Variants in NTN4 observed in about 807,000 individuals in gnomAD.
NTN4 encodes the protein netrin-4.
A neutral mutation model predicts 73.6 loss-of-function variants in NTN4; 32 were observed. The ratio of observed to expected loss-of-function variants is 0.44; its 90% CI spans 0.33 to 0.58. The LOEUF (loss-of-function observed/expected upper bound fraction) is 0.58. Among genes scored for constraint, NTN4 ranks in the 20% least tolerant of loss-of-function variants. The pLI, the probability that NTN4 is intolerant of heterozygous loss-of-function variation, is 0.04. For missense variants in NTN4, 654 were observed against 798.3 expected (o/e 0.82, Z 2.18); for synonymous variants, 258 against 287.5 (o/e 0.90, Z 1.04).
intron 8 of NTN4, among the ~76,000 whole-genome samples, chr12:95,667,216 G>C (rs2078187930): frequency 6.7e-6 from 1 of 149,552 alleles, no homozygotes; most frequent in Non-Finnish European, 1.5e-5. Flanking sequence ...TTGAGATGGA[G>C]TCTTGCTCTG....
chr12:95,669,468 C>G (rs1193622269), intron 8 of NTN4, among the ~76,000 whole-genome samples: 6 of 152,184 alleles, frequency 3.9e-5, no homozygotes, highest in Non-Finnish European at 5.9e-5. Flanking sequence ...ATCTCCCTCC[C>G]CCTACCATTT....
chr12:95,706,826 G>A (rs1382349621), intron 5 of NTN4, among the ~76,000 whole-genome samples: 1 of 152,136 alleles, frequency 6.6e-6, no homozygotes, highest in East Asian at 1.9e-4. Context: ...GGCGGGGCAT[G>A]CTTTATTGAG....
intron 5 of NTN4, among the ~76,000 whole-genome samples, chr12:95,689,532 A>C (rs2078386477): frequency 6.6e-6 from 1 of 152,162 alleles, no homozygotes; most frequent in Non-Finnish European, 1.5e-5. Context: ...GTCACCCCTA[A>C]GGGTTGCTGC....
intron 3 of NTN4, among the ~76,000 whole-genome samples, chr12:95,735,903 ATTTTT>A (rs2078772777): frequency 4.2e-5 from 6 of 141,460 alleles, no homozygotes; most frequent in African/African-American, 1.6e-4. Flanking sequence ...TTTTTTTTAA[ATTTTT>A]ATTTATTTAT....
intron 2 of NTN4, among the ~76,000 whole-genome samples, chr12:95,764,965 C>T (rs2079011170): frequency 6.6e-6 from 1 of 151,802 alleles, no homozygotes; most frequent in Admixed American, 6.6e-5. Context: ...GAAAGGGAAG[C>T]CAGAGGAGGG....
Position 95,688,799 on chromosome 12 carries a change from G to A in NTN4, c.1181-5088C>T, listed in dbSNP as rs138512735. 7.0e-3 allele frequency among the ~76,000 whole-genome samples: 1,054 copies of A among 150,064 alleles called. 12 individuals are homozygous for A. Among genetic ancestry groups the A allele is most frequent in the African/African-American group, 0.023 (954 of 41,188 alleles). Reference sequence around the variant, plus strand: ...GAGGAGAAAAAAAAAAAAGCCAAAGGATGAGAAAGTTTCAAGCAGTTAACA... The same window carrying A: ...GAGGAGAAAAAAAAAAAAGCCAAAGAATGAGAAAGTTTCAAGCAGTTAACA... On this transcript the variant is annotated intron_variant, in intron 5 of 9. Coordinates refer to ENST00000343702, the MANE Select transcript of NTN4 (RefSeq NM_021229.4).
chr12:95,772,732 T>C (rs2079066015), intron 2 of NTN4, among the ~76,000 whole-genome samples: 1 of 152,234 alleles, frequency 6.6e-6, no homozygotes, highest in Non-Finnish European at 1.5e-5. Flanking sequence ...ATCCAAACTG[T>C]CAGCAAATGC....
intron 2 of NTN4, among the ~76,000 whole-genome samples, chr12:95,740,473 A>C (rs1381317770): frequency 1.3e-5 from 2 of 152,186 alleles, no homozygotes; most frequent in African/African-American, 4.8e-5. Context: ...AGATATATTA[A>C]TATTTAGAAA....
rs945485202 is a variant in NTN4 at position 95,790,497 on chromosome 12, G to A, written c.-188C>T. 8 of 455,826 alleles carry A rather than the reference G, an allele frequency of 1.8e-5. No individual in the cohort carries two copies. The highest frequency in any genetic ancestry group is 4.5e-5 in the Admixed American group (1 of 22,290). 28.2% of individuals were successfully genotyped at this position (455,826 alleles called of 1,614,324 possible). ...GCCAGGGGCCGGGACCGCGCGGGGAGGTGGGGTGACCCTCGCGCACCGGCC... is the reference window on the plus strand; with the variant it reads ...GCCAGGGGCCGGGACCGCGCGGGGAAGTGGGGTGACCCTCGCGCACCGGCC... On this transcript the variant is annotated 5_prime_UTR_variant, in exon 1 of 10. Coordinates refer to ENST00000343702, the MANE Select transcript of NTN4 (RefSeq NM_021229.4). The surrounding 1 kb of genome is among the most constrained non-coding windows in gnomAD (Gnocchi z 6.5).
chr12:95,699,529 A>C (rs548866722), intron 5 of NTN4, among the ~76,000 whole-genome samples: 1 of 152,076 alleles, frequency 6.6e-6, no homozygotes, highest in African/African-American at 2.4e-5. Context: ...ATTTGAGTAG[A>C]ATGTGAAGAA....
intron 2 of NTN4, among the ~76,000 whole-genome samples, chr12:95,762,756 G>A (rs1461447975): frequency 6.6e-6 from 1 of 152,194 alleles, no homozygotes; most frequent in Non-Finnish European, 1.5e-5. Flanking sequence ...TTATATAGGA[G>A]AGCTGAAAGT....
At chr12:95,696,405 A>C (rs776542604) in intron 5 of NTN4, among the ~76,000 whole-genome samples, 1 of 152,120 alleles carries the variant, frequency 6.6e-6, no homozygotes, top group African/African-American at 2.4e-5. Flanking sequence ...TCATTTAAAA[A>C]ATATTTCTTA....
intron 2 of NTN4, among the ~76,000 whole-genome samples, chr12:95,754,526 C>G (rs1282269549): frequency 6.6e-6 from 1 of 152,096 alleles, no homozygotes; most frequent in African/African-American, 2.4e-5. Flanking sequence ...CCCAGATGGC[C>G]TCAAGTAACT....
At chr12:95,728,094 A>T (rs1269460251) in intron 3 of NTN4, among the ~76,000 whole-genome samples, 1 of 151,384 alleles carries the variant, frequency 6.6e-6, no homozygotes, top group African/African-American at 2.4e-5. Context: ...TCATTTTTGG[A>T]TTGTTCATTG....
intron 2 of NTN4, among the ~76,000 whole-genome samples, chr12:95,767,573 A>G (rs911745154): frequency 2.0e-5 from 3 of 152,184 alleles, no homozygotes; most frequent in African/African-American, 7.2e-5. Flanking sequence ...AAATAGCTGC[A>G]CAAGCTTGTC....
chr12:95,662,154 T>G (rs2078142626), intron 9 of NTN4, among the ~76,000 whole-genome samples: 1 of 151,988 alleles, frequency 6.6e-6, no homozygotes, highest in Non-Finnish European at 1.5e-5. Flanking sequence ...GGGATAGAAA[T>G]GTGAAATTTA....
At chr12:95,727,731 G>A (rs2078705261) in intron 3 of NTN4, among the ~76,000 whole-genome samples, 1 of 152,176 alleles carries the variant, frequency 6.6e-6, no homozygotes, top group African/African-American at 2.4e-5. Flanking sequence ...ATTGGAAAGT[G>A]TGAGTTCTCC....
At chr12:95,752,337 C>T (rs1484122039) in intron 2 of NTN4, among the ~76,000 whole-genome samples, 4 of 151,196 alleles carry the variant, frequency 2.6e-5, no homozygotes, top group Non-Finnish European at 5.9e-5. Context: ...GCCTATCCAC[C>T]CCGTGGTGCC....
At chr12:95,714,561 T>C (rs1368843601) in intron 3 of NTN4, among the ~76,000 whole-genome samples, 1 of 152,088 alleles carries the variant, frequency 6.6e-6, no homozygotes, top group African/African-American at 2.4e-5. Context: ...AAATGTATAA[T>C]AGCTGGAGAA....
Sources: allele counts gnomAD v4.1 joint callset (sites outside exome capture counted in the v4.1 genomes callset), GRCh38; gene constraint gnomAD v4.1.1; non-coding constraint Gnocchi (gnomAD v3.1); transcripts MANE v1.5; gene names NCBI Gene and HGNC (gene_info 2026-07-23, HGNC 2026-07-21).